Variants in BAZ2B observed in about 807,000 individuals in gnomAD.
BAZ2B encodes bromodomain adjacent to zinc finger domain 2B.
A neutral mutation model predicts 246.0 loss-of-function variants in BAZ2B; 91 were observed. The ratio of observed to expected loss-of-function variants is 0.37; its 90% CI spans 0.31 to 0.44. The LOEUF (loss-of-function observed/expected upper bound fraction) is 0.44. Ranked by LOEUF, BAZ2B falls within the 20% of genes least tolerant of loss-of-function variation. The pLI, the probability that BAZ2B is intolerant of heterozygous loss-of-function variation, is 1.00. For missense variants in BAZ2B, 2,332 were observed against 2,533.7 expected (o/e 0.92, Z 1.71); for synonymous variants, 855 against 860.0 (o/e 0.99, Z 0.10).
chr2:159,649,598 G>C, the BAZ2B span, among the ~76,000 whole-genome samples: 1 of 152,086 alleles, frequency 6.6e-6, no homozygotes, highest in Admixed American at 6.6e-5. Context: ...CCTGCTGTAG[G>C]TCATATGTCT....
At chr2:159,420,770 C>T (rs775442575) in intron 13 of BAZ2B, among the ~76,000 whole-genome samples, 1 of 152,074 alleles carries the variant, frequency 6.6e-6, no homozygotes, top group Non-Finnish European at 1.5e-5. Flanking sequence ...TCTAGCTCAA[C>T]CTTATCTTCT....
intron 2 of BAZ2B, among the ~76,000 whole-genome samples, chr2:159,496,486 GA>G (rs537958598): frequency 0.024 from 2,627 of 108,546 alleles, 55 homozygotes; most frequent in African/African-American, 0.063. Flanking sequence ...GACTCTGCAG[GA>G]AAAAAAAAAA....
At chr2:159,607,227 AG>A in intron 1 of BAZ2B, among the ~76,000 whole-genome samples, 1 of 152,280 alleles carries the variant, frequency 6.6e-6, no homozygotes, top group East Asian at 1.9e-4. Context: ...ATTCATCCGA[AG>A]GAACTAAAAG....
chr2:159,367,389 T>C (rs73967841), intron 27 of BAZ2B, among the ~76,000 whole-genome samples: 23,180 of 152,108 alleles, frequency 0.15, 2,440 homozygotes, highest in African/African-American at 0.31. Context: ...TTGTGGTATA[T>C]ATTACCTTGC....
At chr2:159,547,861 AT>A (rs2087595978) in intron 2 of BAZ2B, among the ~76,000 whole-genome samples, 1 of 152,196 alleles carries the variant, frequency 6.6e-6, no homozygotes, top group Admixed American at 6.5e-5. Flanking sequence ...AAATCAAGGG[AT>A]TGTGTAACAT....
chr2:159,440,988 G>T (rs896972276), intron 6 of BAZ2B, among the ~76,000 whole-genome samples: 1 of 152,072 alleles, frequency 6.6e-6, no homozygotes, highest in African/African-American at 2.4e-5. Flanking sequence ...CAATGAGAAA[G>T]ATCACAAGGT....
intron 26 of BAZ2B, among the ~76,000 whole-genome samples, chr2:159,373,725 G>T (rs1349791760): frequency 6.6e-6 from 1 of 152,166 alleles, no homozygotes; most frequent in South Asian, 2.1e-4. Context: ...CCACCACCAG[G>T]GAGGCTGAGG....
Position 159,412,394 on chromosome 2 carries a change from C to T in BAZ2B, c.2618G>A (p.Gly873Asp), listed in dbSNP as rs534666282. The change falls in exon 14 of 37, where the codon GGC (glycine) becomes GAC (aspartate). Residue 873 changes from glycine to aspartate, a missense_variant. Gly to Asp is a moderately conservative substitution (Grantham distance 94). Transcript: ENST00000392783. ...RRRKGRPPNV[G>D]NAEFLDNADA... ...TGCGTTATCTAGGAATTCAGCATTGCCAACATTTGGAGGTCGACCTTTCCG... is the reference window on the plus strand; with the variant it reads ...TGCGTTATCTAGGAATTCAGCATTGTCAACATTTGGAGGTCGACCTTTCCG... 8.1e-6 allele frequency: 13 copies of T among 1,614,098 alleles called. No homozygotes were observed. Among genetic ancestry groups the T allele is most frequent in the East Asian group, 6.7e-5 (3 of 44,868 alleles).
chr2:159,533,502 T>A (rs1382910809), intron 2 of BAZ2B, among the ~76,000 whole-genome samples: 2 of 152,142 alleles, frequency 1.3e-5, no homozygotes, highest in African/African-American at 4.8e-5. Context: ...ATATAACACA[T>A]TATCTTAATT....
rs1318184220 is a variant in BAZ2B at position 159,395,149 on chromosome 2, G to A, written c.3075+620C>T. On this transcript the variant is annotated intron_variant, in intron 20 of 36. Coordinates refer to ENST00000392783, the MANE Select transcript of BAZ2B (RefSeq NM_013450.4). ...AGCAAATTGGTGGCAGAACCAGCAGGGGAACCTGTGTCTTTCAACCTCCAA... is the reference window on the plus strand; with the variant it reads ...AGCAAATTGGTGGCAGAACCAGCAGAGGAACCTGTGTCTTTCAACCTCCAA... 2.0e-5 allele frequency among the ~76,000 whole-genome samples: 3 copies of A among 152,044 alleles called. No homozygotes were observed. In the East Asian group the frequency reaches 5.8e-4, roughly 29 times the overall value.
intron 2 of BAZ2B, among the ~76,000 whole-genome samples, chr2:159,508,813 G>A (rs760928204): frequency 2.0e-5 from 3 of 152,024 alleles, no homozygotes; most frequent in Non-Finnish European, 2.9e-5. Flanking sequence ...CATTATATCT[G>A]TTATTACCAT....
downstream of BAZ2B, among the ~76,000 whole-genome samples, chr2:159,317,603 T>C (rs2062246973): frequency 6.6e-6 from 1 of 152,228 alleles, no homozygotes; most frequent in Non-Finnish European, 1.5e-5. Context: ...TGAGTGGTAA[T>C]CTAAATCTAA....
the BAZ2B span, among the ~76,000 whole-genome samples, chr2:159,678,324 C>T: frequency 5.9e-5 from 9 of 152,258 alleles, no homozygotes; most frequent in African/African-American, 2.2e-4. Context: ...GCAGTATCAA[C>T]AACATAGATA....
At chr2:159,545,813 C>T (rs1049280904) in intron 2 of BAZ2B, among the ~76,000 whole-genome samples, 1 of 152,106 alleles carries the variant, frequency 6.6e-6, no homozygotes, top group African/African-American at 2.4e-5. Context: ...GAAACTTAAC[C>T]TATGTATAAA....
intron 20 of BAZ2B, among the ~76,000 whole-genome samples, chr2:159,392,574 A>T (rs2063483593): frequency 6.6e-6 from 1 of 152,114 alleles, no homozygotes; most frequent in Non-Finnish European, 1.5e-5. Context: ...ACACCTGGAG[A>T]AAGTTTTTAA....
chr2:159,651,253 T>C, the BAZ2B span, among the ~76,000 whole-genome samples: 1 of 152,198 alleles, frequency 6.6e-6, no homozygotes, highest in East Asian at 1.9e-4. Flanking sequence ...AGTAATGAGA[T>C]GGCTATAGAG....
chr2:159,424,534 A>T (rs1201261197), intron 13 of BAZ2B, among the ~76,000 whole-genome samples: 1 of 152,190 alleles, frequency 6.6e-6, no homozygotes, highest in African/African-American at 2.4e-5. Flanking sequence ...AATTTTTGTT[A>T]TGTGTTAAGT....
At position 159,419,510 on chromosome 2, in the gene BAZ2B, C is replaced by T. The variant is rs145156741; in HGVS notation, c.2467-6965G>A. On this transcript the variant is annotated intron_variant, in intron 13 of 36. Coordinates refer to ENST00000392783, the MANE Select transcript of BAZ2B (RefSeq NM_013450.4). Reference sequence around the variant, plus strand: ...TTATGACAGATATTCTTAAGTCACACTAGTCATATAGCTTATTATACCATA... The same window carrying T: ...TTATGACAGATATTCTTAAGTCACATTAGTCATATAGCTTATTATACCATA... Among the ~76,000 whole-genome samples the T allele has an allele frequency of 3.3e-5, 5 of 152,252 alleles. No individual in the cohort carries two copies. In the East Asian group the frequency reaches 9.6e-4, roughly 29 times the overall value.
intron 1 of BAZ2B, among the ~76,000 whole-genome samples, chr2:159,597,279 A>G (rs1205512602): frequency 2.0e-5 from 3 of 152,162 alleles, no homozygotes; most frequent in South Asian, 2.1e-4. Flanking sequence ...AAAATGTTCG[A>G]AACATTTTAA....
Sources: gnomAD v4.1 joint callset for allele counts (sites outside exome capture counted in the v4.1 genomes callset) on GRCh38, gnomAD v4.1.1 for gene constraint, MANE v1.5 for transcripts, NCBI Gene and HGNC (gene_info 2026-07-23, HGNC 2026-07-21) for gene names.